Variants in ZNF385D observed in about 807,000 individuals in gnomAD.
ZNF385D encodes zinc finger protein 659.
Under a neutral mutation model 35.8 loss-of-function variants are expected in ZNF385D, and 15 were observed. The observed-to-expected ratio is 0.42, with a 90% CI of 0.28 to 0.64. ZNF385D has a LOEUF of 0.64. ZNF385D is among the 30% of genes least tolerant of loss of function. The pLI, the probability that ZNF385D is intolerant of heterozygous loss-of-function variation, is 0.23. For missense variants in ZNF385D, 474 were observed against 494.6 expected (o/e 0.96, Z 0.39); for synonymous variants, 212 against 186.8 (o/e 1.13, Z -1.10).
intron 4 of ZNF385D, among the ~76,000 whole-genome samples, chr3:21,489,768 C>A (rs1705288341): frequency 6.6e-6 from 1 of 152,050 alleles, no homozygotes. Flanking sequence ...GGGTTATGGA[C>A]CTCTAGAAGT....
intron 2 of ZNF385D, among the ~76,000 whole-genome samples, chr3:22,301,504 T>A (rs1249780040): frequency 6.6e-6 from 1 of 152,104 alleles, no homozygotes; most frequent in Non-Finnish European, 1.5e-5. Flanking sequence ...AATGTATATA[T>A]ATTTCAAAAC....
intron 3 of ZNF385D, among the ~76,000 whole-genome samples, chr3:21,955,463 A>C (rs956813817): frequency 2.0e-5 from 3 of 152,112 alleles, no homozygotes; most frequent in African/African-American, 7.2e-5. Context: ...AATATCACCT[A>C]AACAGGGAGG....
intron 3 of ZNF385D, among the ~76,000 whole-genome samples, chr3:21,882,011 A>G (rs1698301161): frequency 6.6e-6 from 1 of 152,044 alleles, no homozygotes; most frequent in African/African-American, 2.4e-5. Flanking sequence ...GGGTGAGCAA[A>G]GAAAGTGGTT....
chr3:21,744,940 T>C lies in ZNF385D; in HGVS notation c.22+5955A>G, dbSNP rs370558357. The stretch of plus-strand genomic sequence containing the variant: ...GTCAATGCCCGAGTACTAGCTTTCA[T>C]AGGGAATATCAGCCTTAGGGAATGC... On this transcript the variant is annotated intron_variant, in intron 1 of 7. Transcript: ENST00000281523. 1.9e-4 allele frequency among the ~76,000 whole-genome samples: 29 copies of C among 152,302 alleles called. No individual in the cohort carries two copies. The East Asian group carries it at 3.7e-3, about 19-fold the overall frequency.
intron 3 of ZNF385D, among the ~76,000 whole-genome samples, chr3:22,155,792 C>A (rs1056944855): frequency 2.0e-5 from 3 of 152,052 alleles, no homozygotes; most frequent in African/African-American, 7.2e-5. Flanking sequence ...CAATGGAGAG[C>A]AGTCACTTCT....
rs73146853 is a variant in ZNF385D, at chr3:21,883,334, C to A, written c.326-218306G>T. On this transcript the variant is annotated intron_variant, in intron 3 of 5. Coordinates refer to the ZNF385D transcript ENST00000494108. The stretch of plus-strand genomic sequence containing the variant: ...TATCTCAACATAAACCAACAAATTT[C>A]TTTCCCCTCAAAAAATAAAAATAAA... Among the ~76,000 whole-genome samples, 1,302 of 151,916 alleles carry A rather than the reference C, an allele frequency of 8.6e-3. 14 individuals are homozygous for A. Among genetic ancestry groups the A allele is most frequent in the African/African-American group, 0.03 (1,261 of 41,486 alleles).
At chr3:22,085,602 A>G (rs1218198441) in intron 3 of ZNF385D, among the ~76,000 whole-genome samples, 1 of 152,206 alleles carries the variant, frequency 6.6e-6, no homozygotes, top group African/African-American at 2.4e-5. Flanking sequence ...CCAACCAAAA[A>G]AAGTCCAGGA....
At chr3:21,839,526 C>A (rs186533080) in intron 3 of ZNF385D, among the ~76,000 whole-genome samples, 1 of 152,192 alleles carries the variant, frequency 6.6e-6, no homozygotes, top group Non-Finnish European at 1.5e-5. Flanking sequence ...AAGAAAAACT[C>A]AAATAGCAGA....
At chr3:22,240,354 A>G (rs1165685564) in intron 2 of ZNF385D, among the ~76,000 whole-genome samples, 1 of 150,838 alleles carries the variant, frequency 6.6e-6, no homozygotes, top group Non-Finnish European at 1.5e-5. Context: ...AACTAACTAC[A>G]AGTCAGAAAC....
rs140636781 is a variant in ZNF385D at position 21,797,081 on chromosome 3, A to T, written c.326-132053T>A. On this transcript the variant is annotated intron_variant, in intron 3 of 5. Transcript: ENST00000494108. ...GAAAAATAAGTCAAGACGTATTTGCAAAACACATATCTGATAAAGGACTCT... is the reference window on the plus strand; with the variant it reads ...GAAAAATAAGTCAAGACGTATTTGCTAAACACATATCTGATAAAGGACTCT... 3.4e-3 allele frequency among the ~76,000 whole-genome samples: 512 copies of T among 152,348 alleles called. 4 individuals are homozygous for T. The highest frequency in any genetic ancestry group is 0.012 in the African/African-American group (479 of 41,576).
chr3:21,797,808 G>C (rs2072219941), intron 3 of ZNF385D, among the ~76,000 whole-genome samples: 1 of 152,168 alleles, frequency 6.6e-6, no homozygotes, highest in South Asian at 2.1e-4. Context: ...AAAAACTATG[G>C]AGATAGTGAA....
At chr3:22,111,166 T>G (rs1471110391) in intron 3 of ZNF385D, among the ~76,000 whole-genome samples, 7 of 94,116 alleles carry the variant, frequency 7.4e-5, no homozygotes, top group South Asian at 6.7e-4. Context: ...TTTTTTTTTT[T>G]TTTTTTTTTT....
chr3:21,476,837 C>T (rs923418263), intron 4 of ZNF385D, among the ~76,000 whole-genome samples: 2 of 152,090 alleles, frequency 1.3e-5, no homozygotes, highest in Non-Finnish European at 2.9e-5. Flanking sequence ...TCCTTCTTTC[C>T]CATCTGTGGA....
chr3:22,078,299 T>C (rs922904875), intron 3 of ZNF385D, among the ~76,000 whole-genome samples: 28 of 152,096 alleles, frequency 1.8e-4, no homozygotes, highest in African/African-American at 6.0e-4. Flanking sequence ...AATTAAACGC[T>C]TGAATGACTG....
chr3:21,428,088 T>G (rs1701103114), intron 5 of ZNF385D, among the ~76,000 whole-genome samples: 2 of 152,240 alleles, frequency 1.3e-5, no homozygotes, highest in Admixed American at 1.3e-4. Context: ...ATCTTAAAGC[T>G]TGAGTAGGCA....
chr3:22,092,640 G>C (rs1252708062), intron 3 of ZNF385D, among the ~76,000 whole-genome samples: 1 of 152,026 alleles, frequency 6.6e-6, no homozygotes, highest in Non-Finnish European at 1.5e-5. Flanking sequence ...AGCCTTATGG[G>C]TAGTGGCCCC....
chr3:21,643,076 G>A (rs915974462), intron 2 of ZNF385D, among the ~76,000 whole-genome samples: 1 of 151,860 alleles, frequency 6.6e-6, no homozygotes, highest in Non-Finnish European at 1.5e-5. Flanking sequence ...AAATGGTAAA[G>A]TTTATAGTAT....
intron 2 of ZNF385D, among the ~76,000 whole-genome samples, chr3:22,281,648 T>G (rs1701746815): frequency 6.6e-6 from 1 of 152,078 alleles, no homozygotes; most frequent in Non-Finnish European, 1.5e-5. Context: ...GCTAGCATTT[T>G]TTTTTTGAGG....
At chr3:22,241,389 C>A (rs1485419995) in intron 2 of ZNF385D, among the ~76,000 whole-genome samples, 1 of 151,160 alleles carries the variant, frequency 6.6e-6, no homozygotes, top group East Asian at 2.0e-4. Flanking sequence ...TTGATCTTTG[C>A]CTATTCTATG....
Sources: gnomAD v4.1 joint callset for allele counts (sites outside exome capture counted in the v4.1 genomes callset) on GRCh38, gnomAD v4.1.1 for gene constraint, MANE v1.5 for transcripts, NCBI Gene and HGNC (gene_info 2026-07-23, HGNC 2026-07-21) for gene names.